Variants in ZNF804B observed in about 807,000 individuals in gnomAD.
ZNF804B encodes zinc finger 804B.
ZNF804B carries 80 observed loss-of-function variants against 101.4 expected under a neutral mutation model. That is an observed-to-expected ratio of 0.79 (90% confidence interval 0.66 to 0.95). The LOEUF is 0.95. ZNF804B is among the 40% of genes least tolerant of loss of function. The probability of loss-of-function intolerance (pLI) is 0.00; values close to 1 mark genes in which losing one functional copy is unlikely to be tolerated. For missense variants in ZNF804B, 1,673 were observed against 1,561.9 expected (o/e 1.07, Z -1.20); for synonymous variants, 622 against 558.8 (o/e 1.11, Z -1.59).
chr7:89,250,364 A>C (rs930178394), intron 2 of ZNF804B, among the ~76,000 whole-genome samples: 1 of 152,294 alleles, frequency 6.6e-6, no homozygotes, highest in Non-Finnish European at 1.5e-5. Flanking sequence ...GGAATCACAC[A>C]ATCTCCCTAG....
At chr7:88,983,456 C>T (rs1190831603) in intron 1 of ZNF804B, among the ~76,000 whole-genome samples, 2 of 151,960 alleles carry the variant, frequency 1.3e-5, no homozygotes, top group Non-Finnish European at 2.9e-5. Context: ...GATGCTGATG[C>T]TACTAGTTTG....
At chr7:88,859,779 A>G (rs1031617489) in intron 1 of ZNF804B, among the ~76,000 whole-genome samples, 5 of 152,080 alleles carry the variant, frequency 3.3e-5, no homozygotes, top group Non-Finnish European at 7.4e-5. Flanking sequence ...GATATAAACT[A>G]ATATCTATTG....
At chr7:88,788,756 G>A (rs866775749) in intron 1 of ZNF804B, among the ~76,000 whole-genome samples, 2 of 152,160 alleles carry the variant, frequency 1.3e-5, no homozygotes, top group Middle Eastern at 3.4e-3. Flanking sequence ...TCTCTTAGAT[G>A]GGAGTTGAGG....
At chr7:88,811,024 CCA>C (rs1790777004) in intron 1 of ZNF804B, among the ~76,000 whole-genome samples, 1 of 151,446 alleles carries the variant, frequency 6.6e-6, no homozygotes, top group South Asian at 2.1e-4. Context: ...ACTGAGAAAC[CCA>C]CCAAAATTAG....
intron 1 of ZNF804B, among the ~76,000 whole-genome samples, chr7:89,189,500 G>T (rs1337721415): frequency 6.6e-6 from 1 of 152,082 alleles, no homozygotes; most frequent in Non-Finnish European, 1.5e-5. Context: ...GTTTTTAGAG[G>T]CAAAAAAGAC....
At chr7:89,241,003 C>T (rs138928503) in intron 2 of ZNF804B, among the ~76,000 whole-genome samples, 94 of 152,176 alleles carry the variant, frequency 6.2e-4, no homozygotes, top group Non-Finnish European at 1.0e-3. Context: ...ACTGCCGTGT[C>T]TGTATTACTC....
chr7:88,833,741 C>G (rs954117959), intron 1 of ZNF804B, among the ~76,000 whole-genome samples: 2 of 151,856 alleles, frequency 1.3e-5, no homozygotes, highest in African/African-American at 4.8e-5. Flanking sequence ...TTGATTGCAT[C>G]TCTGTGAATT....
intron 1 of ZNF804B, among the ~76,000 whole-genome samples, chr7:89,178,387 A>G (rs1788238347): frequency 6.9e-6 from 1 of 145,238 alleles, no homozygotes. Flanking sequence ...ATAGTGCTAT[A>G]TTTTAATTTC....
chr7:89,028,586 CAT>C (rs1295066393), intron 1 of ZNF804B, among the ~76,000 whole-genome samples: 1 of 152,162 alleles, frequency 6.6e-6, no homozygotes, highest in Admixed American at 6.5e-5. Flanking sequence ...AGAATCAACT[CAT>C]GTGCCTCATT....
chr7:89,205,911 C>A (rs1286695586), intron 1 of ZNF804B, among the ~76,000 whole-genome samples: 1 of 152,196 alleles, frequency 6.6e-6, no homozygotes, highest in Non-Finnish European at 1.5e-5. Context: ...CCACAAGGCC[C>A]CACCCCTGCA....
intron 1 of ZNF804B, among the ~76,000 whole-genome samples, chr7:89,056,584 A>C (rs1442097472): frequency 2.6e-5 from 4 of 152,076 alleles, no homozygotes; most frequent in Admixed American, 6.6e-5. Context: ...TTGATATGAC[A>C]CTGAAATAGG....
In ZNF804B at chr7:89,220,063, G is replaced by A. The variant is rs1356188411; in HGVS notation, c.249+1768G>A. ...TATATGTGCATATATACATATATAC[G>A]CACATATATGTGTATATACATATAT... On this transcript the variant is annotated intron_variant, in intron 2 of 3. Coordinates refer to ENST00000333190, the MANE Select transcript of ZNF804B (RefSeq NM_181646.5). Among the ~76,000 whole-genome samples the A allele has an allele frequency of 6.4e-4, 64 of 100,410 alleles. 16 individuals are homozygous for A. The highest frequency in any genetic ancestry group is 1.5e-3 in the African/African-American group (34 of 23,330). The allele number at this position is 100,410 out of a possible 152,430, so 65.9% of individuals were successfully genotyped here. A position where few individuals can be genotyped will look rare whatever the true frequency, so the allele number is the denominator to read the frequency against.
intron 2 of ZNF804B, among the ~76,000 whole-genome samples, chr7:89,327,083 A>ACTCATTCATATATTGCAT (rs1790907473): frequency 6.6e-6 from 1 of 151,960 alleles, no homozygotes; most frequent in African/African-American, 2.4e-5. Flanking sequence ...ATACTTGCAT[A>ACTCATTCATATATTGCAT]GCCAGGGTGA....
chr7:88,919,008 A>G (rs1023940417), intron 1 of ZNF804B, among the ~76,000 whole-genome samples: 9 of 151,448 alleles, frequency 5.9e-5, no homozygotes, highest in African/African-American at 2.2e-4. Context: ...AAGTTACTTA[A>G]TTTTTTTTTA....
chr7:89,173,217 T>C (rs1310731905), intron 1 of ZNF804B, among the ~76,000 whole-genome samples: 1 of 152,130 alleles, frequency 6.6e-6, no homozygotes, highest in Non-Finnish European at 1.5e-5. Flanking sequence ...TATGAGCTTT[T>C]ATTATTTTAT....
intron 1 of ZNF804B, among the ~76,000 whole-genome samples, chr7:89,107,121 G>A (rs1189511402): frequency 6.6e-6 from 1 of 151,920 alleles, no homozygotes; most frequent in Non-Finnish European, 1.5e-5. Context: ...AAATTGCCCT[G>A]GTAGTTTTAC....
intron 1 of ZNF804B, among the ~76,000 whole-genome samples, chr7:88,993,048 T>C (rs1200125598): frequency 1.3e-5 from 2 of 151,980 alleles, no homozygotes; most frequent in Non-Finnish European, 2.9e-5. Flanking sequence ...CAGCACAACA[T>C]AAGAAAATGG....
intron 1 of ZNF804B, among the ~76,000 whole-genome samples, chr7:89,030,706 AAT>A (rs1431740171): frequency 6.6e-5 from 10 of 152,058 alleles, no homozygotes; most frequent in African/African-American, 2.2e-4. Flanking sequence ...TTATGTGAAA[AAT>A]ATTCTGAAAC....
At chr7:89,129,419 C>A (rs868677327) in intron 1 of ZNF804B, among the ~76,000 whole-genome samples, 5 of 151,876 alleles carry the variant, frequency 3.3e-5, no homozygotes, top group Non-Finnish European at 5.9e-5. Context: ...CAAAGTACAA[C>A]AAAACATTTG....
Sources: gnomAD v4.1 joint callset for allele counts (sites outside exome capture counted in the v4.1 genomes callset) on GRCh38, gnomAD v4.1.1 for gene constraint, MANE v1.5 for transcripts, NCBI Gene and HGNC (gene_info 2026-07-23, HGNC 2026-07-21) for gene names.